Variants in FAT4 observed in about 807,000 individuals in gnomAD.
The protein encoded by FAT4 is FAT atypical cadherin 4.
Under a neutral mutation model 303.9 loss-of-function variants are expected in FAT4, and 84 were observed. The ratio of observed to expected loss-of-function variants is 0.28; its 90% CI spans 0.23 to 0.33. The LOEUF (loss-of-function observed/expected upper bound fraction) is 0.33, where lower values mean the gene tolerates loss of function less well. Among genes scored for constraint, FAT4 ranks in the 10% least tolerant of loss-of-function variants. The pLI, the probability that FAT4 is intolerant of heterozygous loss-of-function variation, is 1.00. For synonymous variants in FAT4, 2,307 were observed against 2,298.8 expected, an observed-to-expected ratio of 1.00 and a Z score of -0.10; for missense variants, 6,005 against 6,146.8, an observed-to-expected ratio of 0.98 and a Z score of 0.77.
At chr4:125,345,837 C>A (rs1016240972) in intron 2 of FAT4, among the ~76,000 whole-genome samples, 1 of 151,966 alleles carries the variant, frequency 6.6e-6, no homozygotes, top group African/African-American at 2.4e-5. Flanking sequence ...AGATTTTTCC[C>A]AGCTGCCTAG....
intron 6 of FAT4, 112 bp downstream of exon 6, chr4:125,415,918 A>G (rs2126028326): frequency 1.2e-6 from 1 of 805,202 alleles, no homozygotes; most frequent in East Asian, 2.7e-5. Context: ...ATTCTCATCC[A>G]TAAATGCTCA....
At chr4:125,477,096 A>C in intron 13 of FAT4, 59 bp from the exon 14 acceptor site, 1 of 1,259,402 alleles carries the variant, frequency 7.9e-7, no homozygotes, top group Non-Finnish European at 1.0e-6. Flanking sequence ...CGAACTAAAC[A>C]TTATACTAAA....
intron 2 of FAT4, among the ~76,000 whole-genome samples, chr4:125,356,549 G>GTTTTTTTTTTTT (rs57855830): frequency 5.3e-5 from 7 of 131,442 alleles, no homozygotes; most frequent in Non-Finnish European, 9.8e-5. Flanking sequence ...TTTGTTTTTT[G>GTTTTTTTTTTTT]TTTTTTTTTT....
At chr4:125,459,930 A>G (rs571271899) in intron 10 of FAT4, among the ~76,000 whole-genome samples, 1 of 152,190 alleles carries the variant, frequency 6.6e-6, no homozygotes, top group South Asian at 2.1e-4. Context: ...GAATTTTGTT[A>G]ATTTCTAATT....
chr4:125,401,014 A>C (rs1734368487), intron 3 of FAT4, among the ~76,000 whole-genome samples: 1 of 151,916 alleles, frequency 6.6e-6, no homozygotes, highest in Non-Finnish European at 1.5e-5. Flanking sequence ...TTTGTGTGCG[A>C]GTGTAGAAAG....
chr4:125,330,164 A>T (rs1043444296), intron 2 of FAT4, among the ~76,000 whole-genome samples: 1 of 152,154 alleles, frequency 6.6e-6, no homozygotes, highest in African/African-American at 2.4e-5. Flanking sequence ...TTCCTTCTGC[A>T]TAGAACACCC....
intron 7 of FAT4, among the ~76,000 whole-genome samples, 161 bp downstream of exon 7, chr4:125,416,783 T>A (rs1443142922): frequency 6.6e-6 from 1 of 151,864 alleles, no homozygotes; most frequent in Non-Finnish European, 1.5e-5. Flanking sequence ...CCATCACTAC[T>A]AAAAATACAA....
At chr4:125,381,161 A>G (rs1167220262) in intron 2 of FAT4, among the ~76,000 whole-genome samples, 2 of 152,222 alleles carry the variant, frequency 1.3e-5, no homozygotes, top group African/African-American at 4.8e-5. Flanking sequence ...AGAGAAAACC[A>G]ATAAATTTAC....
chr4:125,408,961 G>A lies in FAT4; in HGVS notation c.5920+167G>A, dbSNP rs571885400. Among the ~76,000 whole-genome samples the A allele has an allele frequency of 9.2e-5, 14 of 152,018 alleles. No individual in the cohort carries two copies. The South Asian group carries it at 2.3e-3, about 25-fold the overall frequency. ...AACTGTAGAGGATTTTAAAAATTAA[G>A]TACTTTATCGGTTAAATTCTTATTT... On this transcript the variant is annotated intron_variant, in intron 5 of 17. Transcript: ENST00000394329.
intron 8 of FAT4, among the ~76,000 whole-genome samples, chr4:125,436,193 T>TA (rs34055140): frequency 0.91 from 135,523 of 148,670 alleles, 62,655 homozygotes; most frequent in South Asian, 0.99. Flanking sequence ...AGTATAATAA[T>TA]AAAAAAAAAA....
intron 2 of FAT4, among the ~76,000 whole-genome samples, chr4:125,333,993 T>C (rs1285897835): frequency 6.6e-6 from 1 of 152,034 alleles, no homozygotes; most frequent in Non-Finnish European, 1.5e-5. Flanking sequence ...TCTAGGACAG[T>C]CATTTGACAC....
Position 125,316,324 on chromosome 4 carries a change from T to C in FAT4, c.-12-76T>C, listed in dbSNP as rs1730582854. 6.7e-7 allele frequency: 1 copy of C among 1,489,412 alleles called. No individual in the cohort carries two copies. The highest frequency in any genetic ancestry group is 8.9e-7 in the Non-Finnish European group (1 of 1,119,444). The allele number at this position is 1,489,412 out of a possible 1,614,324, so 92.3% of individuals were successfully genotyped here. A position where few individuals can be genotyped will look rare whatever the true frequency, so the allele number is the denominator to read the frequency against. ...CAGACCAAGCCGTCAGCTGAATCTT[T>C]GCTGGCGCTCCTTAATCCCTGTAAA... On this transcript the variant is annotated intron_variant, in intron 1 of 17. Coordinates refer to ENST00000394329, the MANE Select transcript of FAT4 (RefSeq NM_001291303.3). This position sits in a 1 kb window ranked among gnomAD's most constrained non-coding sequence, Gnocchi z 5.7.
In FAT4 at chr4:125,319,349, G is replaced by A; in HGVS notation, c.2938G>A (p.Val980Ile). The A allele has an allele frequency of 2.5e-6, 4 of 1,613,230 alleles. No homozygotes were observed. Among genetic ancestry groups the A allele is most frequent in the Non-Finnish European group, 3.4e-6 (4 of 1,179,440 alleles). ...GGGTGTCCCACAGCTCTCCTCTAGT[G>A]TCATCTTAACAGTTTATGTCCATGA... Reference protein sequence around the residue: ...DMGVPQLSSSVILTVYVHDVN... With the variant: ...DMGVPQLSSSIILTVYVHDVN... Residue 980 changes from valine to isoleucine, a missense_variant, in exon 2 of 18, where the codon GTC (valine) becomes ATC (isoleucine). Coordinates refer to ENST00000394329, the MANE Select transcript of FAT4 (RefSeq NM_001291303.3).
At chr4:125,402,397 G>C (rs1389677277) in intron 3 of FAT4, among the ~76,000 whole-genome samples, 1 of 151,934 alleles carries the variant, frequency 6.6e-6, no homozygotes, top group East Asian at 1.9e-4. Context: ...AATGTACAGA[G>C]TGTGGTCAGA....
At chr4:125,405,201 T>C (rs911785828) in intron 3 of FAT4, among the ~76,000 whole-genome samples, 1 of 152,124 alleles carries the variant, frequency 6.6e-6, no homozygotes, top group Non-Finnish European at 1.5e-5. Context: ...TTTTTATCTA[T>C]TCGTTTGTTA....
chr4:125,414,913 G>C lies in FAT4; in HGVS notation c.5950G>C (p.Ala1984Pro). 1 of 1,606,236 alleles carries C rather than the reference G, an allele frequency of 6.2e-7. No individual in the cohort carries two copies. The highest frequency in any genetic ancestry group is 8.5e-7 in the Non-Finnish European group (1 of 1,173,986). Residue 1984 changes from alanine (A) to proline (P), a missense_variant, in exon 6 of 18, where the codon GCT becomes CCT. By Grantham distance (27) the Ala-to-Pro change is conservative. Coordinates refer to ENST00000394329, the MANE Select transcript of FAT4 (RefSeq NM_001291303.3). Reference protein sequence around the residue: ...GINSQLTYSIASGDSLGQFTV... With the variant: ...GINSQLTYSIPSGDSLGQFTV... ...CAACTCTCAATTGACTTATAGCATTGCTTCAGGTGATAGCCTTGGGCAGTT... is the reference window on the plus strand; with the variant it reads ...CAACTCTCAATTGACTTATAGCATTCCTTCAGGTGATAGCCTTGGGCAGTT...
In FAT4 at chr4:125,463,636, T is replaced by G; in HGVS notation, c.11874T>G (p.Gly3958=). The part of the protein sequence containing the change: ...PCFNGGSCQS[G]VDSYYCHCPF... ...TTAATGGTGGTTCCTGCCAAAGTGGTGTGGATTCTTATTATTGTCATTGTC... is the reference window on the plus strand; with the variant it reads ...TTAATGGTGGTTCCTGCCAAAGTGGGGTGGATTCTTATTATTGTCATTGTC... Residue 3958 remains glycine (G), a synonymous_variant, in exon 11 of 18, where the codon GGT becomes GGG. Transcript: ENST00000394329. 1 of 1,597,160 alleles carries G rather than the reference T, an allele frequency of 6.3e-7. No individual in the cohort carries two copies. The highest frequency in any genetic ancestry group is 8.5e-7 in the Non-Finnish European group (1 of 1,169,638).
intron 16 of FAT4, among the ~76,000 whole-genome samples, chr4:125,484,793 A>G (rs949193233): frequency 8.5e-5 from 13 of 152,234 alleles, no homozygotes; most frequent in African/African-American, 3.1e-4. Flanking sequence ...ATTTGTGTAT[A>G]TAATCATATC....
At chr4:125,487,221 A>G in intron 16 of FAT4, 124 bp from the exon 17 acceptor site, 2 of 776,614 alleles carry the variant, frequency 2.6e-6, no homozygotes, top group Non-Finnish European at 4.0e-6. Flanking sequence ...ATTCTAATAC[A>G]ACCAGATTCT....
Sources: gnomAD v4.1 joint callset for allele counts (sites outside exome capture counted in the v4.1 genomes callset) on GRCh38, gnomAD v4.1.1 for gene constraint, Gnocchi (gnomAD v3.1) non-coding constraint, MANE v1.5 for transcripts, NCBI Gene and HGNC (gene_info 2026-07-23, HGNC 2026-07-21) for gene names.